UTRN: variants seen among roughly 807,000 people sequenced by gnomAD.
UTRN encodes utrophin.
Under a neutral mutation model 463.9 loss-of-function variants are expected in UTRN, and 283 were observed. The ratio of observed to expected loss-of-function variants is 0.61; its 90% CI spans 0.55 to 0.67. The LOEUF is 0.67. Ranked by LOEUF, UTRN falls within the 30% of genes least tolerant of loss-of-function variation. The pLI, the probability that UTRN is intolerant of heterozygous loss-of-function variation, is 0.00. For synonymous variants in UTRN, 1,442 were observed against 1,431.5 expected, an observed-to-expected ratio of 1.01 and a Z score of -0.17; for missense variants, 3,922 against 4,084.3, an observed-to-expected ratio of 0.96 and a Z score of 1.08.
At chr6:144,551,919 C>T (rs1229590918) in intron 48 of UTRN, among the ~76,000 whole-genome samples, 1 of 152,160 alleles carries the variant, frequency 6.6e-6, no homozygotes. Context: ...ATGTCATCCC[C>T]TTTGTGACAT....
intron 51 of UTRN, among the ~76,000 whole-genome samples, chr6:144,593,802 C>G (rs1237038609): frequency 2.0e-5 from 3 of 152,126 alleles, no homozygotes; most frequent in Admixed American, 2.0e-4. Flanking sequence ...CTTTTGATTG[C>G]CAGCTATGTA....
chr6:144,567,576 T>C (rs1323847423), intron 50 of UTRN, among the ~76,000 whole-genome samples: 1 of 152,092 alleles, frequency 6.6e-6, no homozygotes, highest in Non-Finnish European at 1.5e-5. Flanking sequence ...ACTGCATTTT[T>C]CCCCACAGCA....
Position 144,485,413 on chromosome 6 carries a change from T to C in UTRN, c.3716T>C (p.Leu1239Pro). 6.2e-7 allele frequency: 1 copy of C among 1,614,186 alleles called. No individual in the cohort carries two copies. Residue 1239 changes from leucine (L) to proline (P), a missense_variant, in exon 28 of 75, where the codon CTT (leucine) becomes CCT (proline). Coordinates refer to ENST00000367545, the MANE Select transcript of UTRN (RefSeq NM_007124.3). ...EEVWSCWIEL[L>P]HYLDLETTWL... ...GTCTGGTCTTGTTGGATTGAACTGC[T>C]TCACTATTTGGATCTTGAAACTACC...
At chr6:144,651,563 A>T (rs555566545) in intron 51 of UTRN, among the ~76,000 whole-genome samples, 17 of 152,362 alleles carry the variant, frequency 1.1e-4, no homozygotes, top group African/African-American at 3.8e-4. Context: ...ACAGATAAGT[A>T]ATCTAGTTTA....
intron 54 of UTRN, among the ~76,000 whole-genome samples, chr6:144,739,947 G>A (rs1185861975): frequency 1.3e-5 from 2 of 152,182 alleles, no homozygotes; most frequent in Non-Finnish European, 2.9e-5. Flanking sequence ...GGTAGTAAAT[G>A]CAGACATTCC....
intron 47 of UTRN, among the ~76,000 whole-genome samples, chr6:144,549,408 G>A (rs1585222604): frequency 2.0e-5 from 3 of 152,270 alleles, no homozygotes; most frequent in African/African-American, 7.2e-5. Flanking sequence ...AATAATAACA[G>A]CTCTTGCTAA....
chr6:144,525,606 T>A (rs1456927299), intron 41 of UTRN, among the ~76,000 whole-genome samples: 1 of 152,092 alleles, frequency 6.6e-6, no homozygotes, highest in Non-Finnish European at 1.5e-5. Context: ...TCTGTAAATT[T>A]TATTTATTTT....
rs201178109 is a variant in UTRN at position 144,602,066 on chromosome 6, T to TA, written c.7479+24780dup. ...CTACGACTTTAAGCAAAATGTCATA[T>TA]AACAAAACCAGTTTTATCATGAGTC... is the stretch of plus-strand genomic sequence containing the variant. On this transcript the variant is annotated intron_variant, in intron 51 of 74. Transcript: ENST00000367545. Among the ~76,000 whole-genome samples the TA allele has an allele frequency of 1.8e-3, 267 of 152,318 alleles. 4 individuals are homozygous for TA. The East Asian group carries it at 0.041, about 23-fold the overall frequency.
chr6:144,398,425 A>G (rs891967411), intron 2 of UTRN: 1 of 376,542 alleles, frequency 2.7e-6, no homozygotes, highest in Non-Finnish European at 5.3e-6. Flanking sequence ...TGCACACTCA[A>G]GGGCCTCTGA....
chr6:144,509,995 T>G (rs1472014473), intron 34 of UTRN, among the ~76,000 whole-genome samples: 1 of 152,152 alleles, frequency 6.6e-6, no homozygotes, highest in East Asian at 1.9e-4. Flanking sequence ...TATTGGAAAG[T>G]AGTATTTCAG....
chr6:144,524,664 A>G (rs529690561), intron 41 of UTRN, among the ~76,000 whole-genome samples: 8 of 152,292 alleles, frequency 5.3e-5, no homozygotes, highest in African/African-American at 1.7e-4. Flanking sequence ...CTTTTAACCA[A>G]TTCGGATGCC....
chr6:144,385,706 AT>A (rs60221098), intron 2 of UTRN, among the ~76,000 whole-genome samples: 5,225 of 142,426 alleles, frequency 0.037, 174 homozygotes, highest in African/African-American at 0.095. Flanking sequence ...CCAGAACTCT[AT>A]TTTTTTTTTT....
In UTRN at chr6:144,487,796, A is replaced by T. The variant is rs903120143; in HGVS notation, c.3972+99A>T. ...GAGCTTTAATGTTGGAAAAATCTTT[A>T]ATGTTGGTTAAAGTTGGTAACCAAT... is the stretch of plus-strand genomic sequence containing the variant. On this transcript the variant is annotated intron_variant, in intron 29 of 74. Transcript: ENST00000367545. The T allele has an allele frequency of 2.4e-6, 3 of 1,246,154 alleles. No homozygotes were observed. In the African/African-American group the frequency reaches 4.6e-5, roughly 19 times the overall value. 77.2% of individuals were successfully genotyped at this position (1,246,154 alleles called of 1,614,324 possible). A position where few individuals can be genotyped will look rare whatever the true frequency, so the allele number is the denominator to read the frequency against.
At chr6:144,458,625 T>G in intron 19 of UTRN, 145 bp from the exon 20 acceptor site, 1 of 835,318 alleles carries the variant, frequency 1.2e-6, no homozygotes, top group South Asian at 2.9e-5. Flanking sequence ...ATTATAAATT[T>G]TTGTTGTTGT....
intron 2 of UTRN, among the ~76,000 whole-genome samples, chr6:144,297,008 G>C (rs548863957): frequency 4.6e-5 from 7 of 152,252 alleles, no homozygotes; most frequent in African/African-American, 1.7e-4. Context: ...GGAAGATAGA[G>C]AAATGGATAA....
chr6:144,820,519 A>G (rs1779513926), intron 65 of UTRN, among the ~76,000 whole-genome samples: 1 of 152,194 alleles, frequency 6.6e-6, no homozygotes, highest in Non-Finnish European at 1.5e-5. Context: ...TCATCACTAT[A>G]TTAATAGCAA....
chr6:144,315,497 A>C (rs1775224366), intron 2 of UTRN, among the ~76,000 whole-genome samples: 1 of 152,198 alleles, frequency 6.6e-6, no homozygotes, highest in South Asian at 2.1e-4. Context: ...ACAGGGCCCG[A>C]TGCCAAACTC....
chr6:144,387,385 TG>T (rs2114754606), intron 2 of UTRN, among the ~76,000 whole-genome samples: 1 of 152,320 alleles, frequency 6.6e-6, no homozygotes, highest in African/African-American at 2.4e-5. Context: ...GTGATCCTCC[TG>T]CCTTGGCCTC....
intron 51 of UTRN, among the ~76,000 whole-genome samples, chr6:144,649,609 C>T (rs531749485): frequency 1.3e-5 from 2 of 151,636 alleles, no homozygotes; most frequent in African/African-American, 2.4e-5. Context: ...GGGAATGATA[C>T]GACAGTATAA....
Sources: allele counts gnomAD v4.1 joint callset (sites outside exome capture counted in the v4.1 genomes callset), GRCh38; gene constraint gnomAD v4.1.1; transcripts MANE v1.5; gene names NCBI Gene and HGNC (gene_info 2026-07-23, HGNC 2026-07-21).